The following ZNF528 variants were observed in gnomAD, a reference collection of about 807,000 sequenced individuals.
The protein encoded by ZNF528 is zinc finger protein 528.
ZNF528 carries 9 observed loss-of-function variants against 13.3 expected under a neutral mutation model. The observed-to-expected ratio is 0.67, with a 90% CI of 0.41 to 1.18. ZNF528 has a LOEUF of 1.18. Among genes scored for constraint, ZNF528 ranks in the 50% most tolerant of loss-of-function variants. ZNF528 has a pLI of 0.01. For synonymous variants in ZNF528, 264 were observed against 254.3 expected, an observed-to-expected ratio of 1.04 and a Z score of -0.36; for missense variants, 858 against 745.4, an observed-to-expected ratio of 1.15 and a Z score of -1.76.
chr19:52,404,997 CAGG>C (rs1190774308), intron 4 of ZNF528, among the ~76,000 whole-genome samples: 1 of 151,522 alleles, frequency 6.6e-6, no homozygotes, highest in Non-Finnish European at 1.5e-5. Context: ...GCAGGTGGAT[CAGG>C]AGGTCAAGAG....
In ZNF528 at chr19:52,416,073, A is replaced by G. The variant is rs895269105; in HGVS notation, c.1221A>G (p.Arg407=). 6.2e-7 allele frequency: 1 copy of G among 1,613,976 alleles called. No homozygotes were observed. Among genetic ancestry groups the G allele is most frequent in the Non-Finnish European group, 8.5e-7 (1 of 1,180,012 alleles). ...ATCAGAGAATTCATACTAGAGAGAG[A>G]CCTTATGGATGCAGTCAGTGTGGCA... ...TSHQRIHTRE[R]PYGCSQCGKI... Residue 407 remains arginine (R), a synonymous_variant, in exon 7 of 7, where the codon AGA becomes AGG. Transcript: ENST00000360465.
Position 52,418,206 on chromosome 19 carries a change from A to G in ZNF528, c.*1467A>G, listed in dbSNP as rs962426660. ...CACCACGTTGGCCACACTGGTCTCA[A>G]ACTCCTGACCTCAGGCGATCCATCT... On this transcript the variant is annotated 3_prime_UTR_variant, in exon 7 of 7. Transcript: ENST00000360465. 7.9e-5 allele frequency: 12 copies of G among 152,284 alleles called. No individual in the cohort carries two copies. Among genetic ancestry groups the G allele is most frequent in the African/African-American group, 2.9e-4 (12 of 41,540 alleles). 9.4% of individuals were successfully genotyped at this position (152,284 alleles called of 1,614,324 possible).
chr19:52,403,190 A>G (rs973571233), intron 4 of ZNF528, among the ~76,000 whole-genome samples: 1 of 152,214 alleles, frequency 6.6e-6, no homozygotes, highest in African/African-American at 2.4e-5. Flanking sequence ...ACTTACAGGT[A>G]GGCACAATGG....
At chr19:52,400,733 C>A (rs1042706842) in intron 2 of ZNF528, among the ~76,000 whole-genome samples, 6 of 151,970 alleles carry the variant, frequency 3.9e-5, no homozygotes, top group African/African-American at 7.3e-5. Context: ...ACTACATTGC[C>A]CAGGCTGGTC....
At chr19:52,403,813 C>T (rs964919519) in intron 4 of ZNF528, among the ~76,000 whole-genome samples, 3 of 151,954 alleles carry the variant, frequency 2.0e-5, no homozygotes, top group Admixed American at 6.6e-5. Context: ...TTATGAATGG[C>T]ATGTCATCTA....
chr19:52,407,710 A>G (rs2058875743), intron 6 of ZNF528, among the ~76,000 whole-genome samples: 2 of 152,204 alleles, frequency 1.3e-5, no homozygotes, highest in Non-Finnish European at 2.9e-5. Context: ...TAGGAGGTGG[A>G]GGTTGCAGTG....
chr19:52,402,209 T>C (rs1306014493), intron 4 of ZNF528, among the ~76,000 whole-genome samples, 181 bp downstream of exon 4: 1 of 152,050 alleles, frequency 6.6e-6, no homozygotes, highest in African/African-American at 2.4e-5. Context: ...CCCATTGACA[T>C]GAACTTGGGA....
intron 4 of ZNF528, among the ~76,000 whole-genome samples, chr19:52,405,013 C>T (rs1472738234): frequency 6.6e-6 from 1 of 151,490 alleles, no homozygotes; most frequent in Non-Finnish European, 1.5e-5. Flanking sequence ...GTCAAGAGAT[C>T]GAGACCATCC....
At chr19:52,409,895 A>T (rs2058907920) in intron 6 of ZNF528, among the ~76,000 whole-genome samples, 1 of 152,066 alleles carries the variant, frequency 6.6e-6, no homozygotes, top group Non-Finnish European at 1.5e-5. Context: ...TTGTATTTTT[A>T]GTAGAGACAG....
chr19:52,402,946 C>T lies in ZNF528; in HGVS notation c.15+918C>T, dbSNP rs372677384. 1.2e-4 allele frequency among the ~76,000 whole-genome samples: 18 copies of T among 152,266 alleles called. No homozygotes were observed. The East Asian group carries it at 2.9e-3, about 24-fold the overall frequency. On this transcript the variant is annotated intron_variant, in intron 4 of 6. Transcript: ENST00000360465. ...CTTGAGGGGTTGAGGTGGGAGGATC[C>T]ATTCAGCCCAGGAGTTTGAGACTAT...
Position 52,416,056 on chromosome 19 carries a change from A to G in ZNF528, c.1204A>G (p.Ile402Val). 1 of 1,614,058 alleles carries G rather than the reference A, an allele frequency of 6.2e-7. No homozygotes were observed. The highest frequency in any genetic ancestry group is 1.3e-5 in the African/African-American group (1 of 75,066). The change falls in exon 7 of 7, where the codon ATT becomes GTT. Residue 402 changes from isoleucine to valine, a missense_variant. Physicochemically the swap from Ile to Val is conservative, Grantham distance 29. Transcript: ENST00000360465. ...RKCFLTSHQR[I>V]HTRERPYGCS... ...GTGTTTCCTGACCTCTCATCAGAGA[A>G]TTCATACTAGAGAGAGACCTTATGG...
At chr19:52,409,018 C>T (rs1039775289) in intron 6 of ZNF528, among the ~76,000 whole-genome samples, 4 of 152,126 alleles carry the variant, frequency 2.6e-5, no homozygotes, top group Non-Finnish European at 4.4e-5. Context: ...TAAAATTCGC[C>T]TTTATTTTTG....
chr19:52,398,805 C>G (rs533069746), intron 2 of ZNF528, among the ~76,000 whole-genome samples, 186 bp downstream of exon 2: 18 of 152,128 alleles, frequency 1.2e-4, no homozygotes, highest in Middle Eastern at 6.8e-3. Context: ...GACAGAGCAG[C>G]GTGGTGCTGG....
intron 4 of ZNF528, among the ~76,000 whole-genome samples, chr19:52,405,553 A>C (rs778929293): frequency 6.6e-5 from 10 of 152,112 alleles, no homozygotes; most frequent in Non-Finnish European, 1.5e-4. Flanking sequence ...AAAACACTGT[A>C]GACATTGTCA....
Position 52,405,322 on chromosome 19 carries a change from G to T in ZNF528, c.16-585G>T, listed in dbSNP as rs114646522. On this transcript the variant is annotated intron_variant, in intron 4 of 6. Coordinates refer to ENST00000360465, the MANE Select transcript of ZNF528 (RefSeq NM_032423.3). The stretch of plus-strand genomic sequence containing the variant: ...AAGGTGGGAGGATAGCTTGAGTTTA[G>T]GAGCTCAAGACCAGCCTGAGCAACA... Among the ~76,000 whole-genome samples, 1,131 of 151,884 alleles carry T rather than the reference G, an allele frequency of 7.4e-3. 17 individuals carry two copies. The highest frequency in any genetic ancestry group is 0.026 in the African/African-American group (1,083 of 41,396).
At chr19:52,413,290 C>G (rs932936979) in intron 6 of ZNF528, 1 of 152,230 alleles carries the variant, frequency 6.6e-6, no homozygotes, top group Non-Finnish European at 1.5e-5. Flanking sequence ...CAGCACGATT[C>G]TGTCTAGCCT....
intron 6 of ZNF528, among the ~76,000 whole-genome samples, chr19:52,408,870 G>A (rs1163755674): frequency 6.6e-6 from 1 of 152,146 alleles, no homozygotes; most frequent in Non-Finnish European, 1.5e-5. Flanking sequence ...CCCTGCCTAT[G>A]ATGACCTTTA....
intron 4 of ZNF528, among the ~76,000 whole-genome samples, chr19:52,403,574 C>G (rs1210234329): frequency 6.7e-6 from 1 of 149,098 alleles, no homozygotes; most frequent in African/African-American, 2.5e-5. Flanking sequence ...GTAGGAGAAT[C>G]GCTTCAGCCT....
At chr19:52,406,111 C>G (rs1361974476) in intron 5 of ZNF528, 78 bp downstream of exon 5, 1 of 1,486,478 alleles carries the variant, frequency 6.7e-7, no homozygotes, top group Non-Finnish European at 9.1e-7. Context: ...CTCTTGGGAG[C>G]TCCTGCATTG....
Sources: allele counts gnomAD v4.1 joint callset (sites outside exome capture counted in the v4.1 genomes callset), GRCh38; gene constraint gnomAD v4.1.1; transcripts MANE v1.5; gene names NCBI Gene and HGNC (gene_info 2026-07-23, HGNC 2026-07-21).